SCIN: variants seen among roughly 807,000 people sequenced by gnomAD.
SCIN encodes the protein adseverin.
SCIN carries 91 observed loss-of-function variants against 91.8 expected under a neutral mutation model. The ratio of observed to expected loss-of-function variants is 0.99; its 90% CI spans 0.84 to 1.18. The LOEUF (loss-of-function observed/expected upper bound fraction) is 1.18, where lower values mean the gene tolerates loss of function less well. Among genes scored for constraint, SCIN ranks in the 50% most tolerant of loss-of-function variants. The pLI is 0.00. For synonymous variants in SCIN, 367 were observed against 312.6 expected (o/e 1.17, Z -1.84); for missense variants, 1,087 against 863.9 (o/e 1.26, Z -3.24).
At chr7:12,592,225 G>A (rs888586956) in intron 3 of SCIN, among the ~76,000 whole-genome samples, 5 of 151,970 alleles carry the variant, frequency 3.3e-5, no homozygotes, top group South Asian at 4.2e-4. Flanking sequence ...TGTTGGTAGC[G>A]ACGAGAGAGA....
chr7:12,633,174 C>T (rs1295693132), intron 9 of SCIN, among the ~76,000 whole-genome samples: 1 of 151,920 alleles, frequency 6.6e-6, no homozygotes, highest in African/African-American at 2.4e-5. Flanking sequence ...AGGTGAGAAA[C>T]TAGAATTAAA....
Position 12,626,698 on chromosome 7 carries a change from G to A in SCIN, c.1096G>A (p.Ala366Thr). The A allele has an allele frequency of 6.3e-7, 1 of 1,594,036 alleles. No individual in the cohort carries two copies. Among genetic ancestry groups the A allele is most frequent in the Non-Finnish European group, 8.5e-7 (1 of 1,169,720 alleles). Residue 366 changes from alanine to threonine, a missense_variant, in exon 8 of 16, where the codon GCT (alanine) becomes ACT (threonine). By Grantham distance (58) the Ala-to-Thr change is moderately conservative. Coordinates refer to ENST00000297029, the MANE Select transcript of SCIN (RefSeq NM_001112706.3). ...FGKVYVTEKV[A>T]QIKQIPFDAS... ...GAAAGTTTATGTCACAGAGAAAGTG[G>A]CTCAAATAAAACAAATTCCCTTTGA... is the stretch of plus-strand genomic sequence containing the variant.
At chr7:12,638,090 G>A (rs1477165523) in intron 10 of SCIN, among the ~76,000 whole-genome samples, 2 of 152,062 alleles carry the variant, frequency 1.3e-5, no homozygotes, top group Non-Finnish European at 2.9e-5. Context: ...GTTTCAGGAC[G>A]CTTATTAGTT....
At chr7:12,594,031 G>A (rs1583285924) in intron 3 of SCIN, among the ~76,000 whole-genome samples, 1 of 152,218 alleles carries the variant, frequency 6.6e-6, no homozygotes, top group South Asian at 2.1e-4. Context: ...GATCGTAGAA[G>A]GAGAAAGGGA....
At chr7:12,587,919 A>G (rs1383797032) in intron 3 of SCIN, among the ~76,000 whole-genome samples, 1 of 152,204 alleles carries the variant, frequency 6.6e-6, no homozygotes, top group Non-Finnish European at 1.5e-5. Context: ...CCCACACCGT[A>G]CTGCTTAAGA....
At chr7:12,629,023 A>C in intron 8 of SCIN, 78 bp from the exon 9 acceptor site, 1 of 1,263,562 alleles carries the variant, frequency 7.9e-7, no homozygotes, top group South Asian at 1.8e-5. Flanking sequence ...ATTTGAACCA[A>C]AAATTATTTA....
At chr7:12,643,667 G>C (rs1237832216) in intron 11 of SCIN, among the ~76,000 whole-genome samples, 1 of 152,174 alleles carries the variant, frequency 6.6e-6, no homozygotes, top group African/African-American at 2.4e-5. Context: ...TGGCAGTTCA[G>C]TGTGGTTGGC....
intron 10 of SCIN, among the ~76,000 whole-genome samples, chr7:12,638,983 C>T (rs1562630796): frequency 6.6e-6 from 1 of 152,032 alleles, no homozygotes; most frequent in Non-Finnish European, 1.5e-5. Flanking sequence ...AATGAGTTAC[C>T]ATGAATTGTT....
At chr7:12,611,792 G>A (rs1383357639) in intron 4 of SCIN, among the ~76,000 whole-genome samples, 1 of 152,096 alleles carries the variant, frequency 6.6e-6, no homozygotes, top group Non-Finnish European at 1.5e-5. Context: ...CACACCTATA[G>A]TGCCAGCTAT....
Position 12,644,827 on chromosome 7 carries a change from C to G in SCIN, c.1881+122C>G, listed in dbSNP as rs1783928344. ...GGTCAGGAGTTCGAGACCAGCCTGA[C>G]CAACATGTAGAAACCGTCTCTACTA... On this transcript the variant is annotated intron_variant, in intron 13 of 15. Transcript: ENST00000297029. The G allele has an allele frequency of 6.7e-5, 58 of 865,966 alleles. No individual in the cohort carries two copies. The South Asian group carries it at 9.7e-4, about 14-fold the overall frequency. The allele number at this position is 865,966 out of a possible 1,614,324, so 53.6% of individuals were successfully genotyped here.
At chr7:12,625,512 G>A (rs1021232071) in intron 6 of SCIN, among the ~76,000 whole-genome samples, 2 of 102,506 alleles carry the variant, frequency 2.0e-5, no homozygotes, top group African/African-American at 8.0e-5. Flanking sequence ...TGTATTTTTT[G>A]TGGAGATGGG....
intron 3 of SCIN, among the ~76,000 whole-genome samples, chr7:12,584,310 T>C (rs1782544462): frequency 6.6e-6 from 1 of 152,226 alleles, no homozygotes; most frequent in Non-Finnish European, 1.5e-5. Context: ...AAGTTTGTAT[T>C]ATGACCCAGG....
intron 1 of SCIN, among the ~76,000 whole-genome samples, chr7:12,571,843 C>G (rs1782278008): frequency 6.6e-6 from 1 of 152,306 alleles, no homozygotes; most frequent in South Asian, 2.1e-4. Flanking sequence ...TTTCCACCTT[C>G]TACTTTTACT....
At position 12,622,783 on chromosome 7, in the gene SCIN, C is replaced by G. The variant is rs1167470012; in HGVS notation, c.667-18C>G. ...TGGGAGATCTTTATCTTTGCATCCACTGCTCACTTTTTTCCAGGTCTTAGG... is the reference window on the plus strand; with the variant it reads ...TGGGAGATCTTTATCTTTGCATCCAGTGCTCACTTTTTTCCAGGTCTTAGG... On this transcript the variant is annotated intron_variant, in intron 4 of 15. Transcript: ENST00000297029. The G allele has an allele frequency of 6.3e-7, 1 of 1,577,278 alleles. No homozygotes were observed. The highest frequency in any genetic ancestry group is 8.7e-7 in the Non-Finnish European group (1 of 1,147,238).
intron 3 of SCIN, among the ~76,000 whole-genome samples, chr7:12,600,280 T>G (rs1422796058): frequency 6.6e-6 from 1 of 152,194 alleles, no homozygotes; most frequent in Non-Finnish European, 1.5e-5. Context: ...ATGTTCTCAC[T>G]TATATGTGGG....
At chr7:12,586,378 A>G (rs183761355) in intron 3 of SCIN, among the ~76,000 whole-genome samples, 1 of 152,348 alleles carries the variant, frequency 6.6e-6, no homozygotes, top group African/African-American at 2.4e-5. Context: ...AACCACTATG[A>G]GATATCATCT....
intron 3 of SCIN, among the ~76,000 whole-genome samples, chr7:12,586,056 A>G (rs926970351): frequency 3.9e-5 from 6 of 152,158 alleles, no homozygotes; most frequent in Admixed American, 2.0e-4. Flanking sequence ...AGCCTTTTTT[A>G]TATTGCTTGT....
chr7:12,606,947 G>A (rs368123235), intron 4 of SCIN, among the ~76,000 whole-genome samples: 3 of 152,116 alleles, frequency 2.0e-5, no homozygotes, highest in South Asian at 4.2e-4. Flanking sequence ...TCTAGAGATG[G>A]GATCAACCAT....
At chr7:12,640,758 A>G (rs1197436530) in intron 11 of SCIN, among the ~76,000 whole-genome samples, 3 of 152,248 alleles carry the variant, frequency 2.0e-5, no homozygotes, top group African/African-American at 7.2e-5. Flanking sequence ...AATTTTTAAG[A>G]ATACTGTCAC....
Sources: gnomAD v4.1 joint callset for allele counts (sites outside exome capture counted in the v4.1 genomes callset) on GRCh38, gnomAD v4.1.1 for gene constraint, MANE v1.5 for transcripts, NCBI Gene and HGNC (gene_info 2026-07-23, HGNC 2026-07-21) for gene names.